The following F2R variants were observed in gnomAD, a reference collection of about 807,000 sequenced individuals.
F2R encodes proteinase-activated receptor 1.
In F2R, 12 loss-of-function variants were observed where a neutral mutation model predicts 18.3. The ratio of observed to expected loss-of-function variants is 0.66; its 90% confidence interval spans 0.42 to 1.06. The LOEUF (loss-of-function observed/expected upper bound fraction) is 1.06, where lower values mean the gene tolerates loss of function less well. Ranked by LOEUF, F2R falls within the 50% of genes least tolerant of loss-of-function variation. The pLI, the probability that F2R is intolerant of heterozygous loss-of-function variation, is 0.00. For missense variants in F2R, 438 were observed against 530.8 expected (o/e 0.83, Z 1.72); for synonymous variants, 210 against 219.9 (o/e 0.95, Z 0.40).
At chr5:76,724,216 C>T (rs1748517035) in intron 1 of F2R, among the ~76,000 whole-genome samples, 1 of 152,108 alleles carries the variant, frequency 6.6e-6, no homozygotes, top group African/African-American at 2.4e-5. Context: ...TACAGGCACA[C>T]ACCACCACGA....
chr5:76,719,554 A>G (rs1043086847), intron 1 of F2R, among the ~76,000 whole-genome samples: 1 of 151,498 alleles, frequency 6.6e-6, no homozygotes, highest in African/African-American at 2.4e-5. Flanking sequence ...GTGCCACTGC[A>G]CTCCAGTCTG....
At chr5:76,728,092 T>TGTATACACTATATATATGTTA (rs1748603936) in intron 1 of F2R, among the ~76,000 whole-genome samples, 13 of 152,154 alleles carry the variant, frequency 8.5e-5, no homozygotes, top group African/African-American at 3.1e-4. Flanking sequence ...TTATATATAT[T>TGTATACACTATATATATGTTA]TATAGTGTAT....
At chr5:76,731,865 A>G (rs1748675365) in intron 1 of F2R, among the ~76,000 whole-genome samples, 1 of 152,148 alleles carries the variant, frequency 6.6e-6, no homozygotes, top group African/African-American at 2.4e-5. Flanking sequence ...TTTTCCATTG[A>G]AAAGGGACAG....
intron 1 of F2R, among the ~76,000 whole-genome samples, chr5:76,716,947 G>A (rs767816033): frequency 1.3e-5 from 2 of 152,204 alleles, no homozygotes; most frequent in Non-Finnish European, 2.9e-5. Flanking sequence ...TTGTGTCCAG[G>A]AGGTGCGCAG....
At position 76,732,963 on chromosome 5, in the gene F2R, G is replaced by A. The variant is rs139693607; in HGVS notation, c.738G>A (p.Val246=). ...TCCTCAAGGAGCAAACCATCCAGGTGCCCGGGCTCAACATCACTACCTGTC... is the reference window on the plus strand; with the variant it reads ...TCCTCAAGGAGCAAACCATCCAGGTACCCGGGCTCAACATCACTACCTGTC... ...PLLLKEQTIQ[V]PGLNITTCHD... The change falls in exon 2 of 2, where the codon GTG becomes GTA. Residue 246 remains valine, a synonymous_variant. Coordinates refer to ENST00000319211, the MANE Select transcript of F2R (RefSeq NM_001992.5). The A allele has an allele frequency of 5.3e-4, 855 of 1,614,156 alleles. 3 individuals carry two copies. In the African/African-American group the frequency reaches 0.01, roughly 20 times the overall value.
At chr5:76,716,683 G>A (rs1187054484) in intron 1 of F2R, 3 of 743,596 alleles carry the variant, frequency 4.0e-6, no homozygotes, top group East Asian at 2.5e-5. Context: ...GGGGGAGCCT[G>A]CAGTCCTGCG....
At chr5:76,722,098 G>T (rs2227768) in intron 1 of F2R, among the ~76,000 whole-genome samples, 6,025 of 152,202 alleles carry the variant, frequency 0.04, 334 homozygotes, top group African/African-American at 0.13. Flanking sequence ...TAATTTATTT[G>T]AGTTCAGATA....
At chr5:76,723,747 A>G (rs1748509235) in intron 1 of F2R, among the ~76,000 whole-genome samples, 1 of 152,256 alleles carries the variant, frequency 6.6e-6, no homozygotes, top group African/African-American at 2.4e-5. Flanking sequence ...TCTAGTGGCA[A>G]ATAAACATGC....
chr5:76,723,053 A>G (rs1219744388), intron 1 of F2R, among the ~76,000 whole-genome samples: 1 of 151,978 alleles, frequency 6.6e-6, no homozygotes, highest in African/African-American at 2.4e-5. Context: ...ACAGTGTTTT[A>G]AAGATGTATT....
rs538007698 is a variant in F2R, at chr5:76,732,824, G to C, written c.599G>C (p.Arg200Pro). 6.2e-7 allele frequency: 1 copy of C among 1,614,164 alleles called. No individual in the cohort carries two copies. The highest frequency in any genetic ancestry group is 1.3e-5 in the African/African-American group (1 of 75,022). Reference protein sequence around the residue: ...ILLMTVISIDRFLAVVYPMQS... With the variant: ...ILLMTVISIDPFLAVVYPMQS... ...CTCATGACAGTCATAAGCATTGACC[G>C]GTTTCTGGCTGTGGTGTATCCCATG... The change falls in exon 2 of 2, where the codon CGG becomes CCG. Residue 200 changes from arginine (R) to proline (P), a missense_variant. Coordinates refer to ENST00000319211, the MANE Select transcript of F2R (RefSeq NM_001992.5).
intron 1 of F2R, among the ~76,000 whole-genome samples, chr5:76,727,483 A>G (rs1238339127): frequency 6.6e-6 from 1 of 152,196 alleles, no homozygotes; most frequent in Non-Finnish European, 1.5e-5. Flanking sequence ...ATTCACATTC[A>G]TCACTGGAGA....
rs1561631381 is a variant in F2R, at chr5:76,732,385, C to T, written c.160C>T (p.Pro54Ser). The change falls in exon 2 of 2, where the codon CCA (proline) becomes TCA (serine). Residue 54 changes from proline to serine, a missense_variant. Transcript: ENST00000319211. Reference sequence around the variant, plus strand: ...CAGGAACCCCAATGATAAATATGAACCATTTTGGGAGGATGAGGAGAAAAA... The same window carrying T: ...CAGGAACCCCAATGATAAATATGAATCATTTTGGGAGGATGAGGAGAAAAA... ...LLRNPNDKYE[P>S]FWEDEEKNES... 1 of 1,614,040 alleles carries T rather than the reference C, an allele frequency of 6.2e-7. No homozygotes were observed.
Position 76,723,264 on chromosome 5 carries a change from T to G in F2R, c.88+6869T>G, listed in dbSNP as rs140006874. Among the ~76,000 whole-genome samples the G allele has an allele frequency of 3.9e-3, 596 of 152,306 alleles. 2 individuals are homozygous for G. The highest frequency in any genetic ancestry group is 0.013 in the African/African-American group (542 of 41,564). On this transcript the variant is annotated intron_variant, in intron 1 of 1. Coordinates refer to ENST00000319211, the MANE Select transcript of F2R (RefSeq NM_001992.5). ...TAAAAGGATGGGCAGATTCATTTGT[T>G]TGGTGACATGCAAAGAGAAAAAGAT...
At chr5:76,720,607 T>C (rs367622350) in intron 1 of F2R, among the ~76,000 whole-genome samples, 11 of 152,204 alleles carry the variant, frequency 7.2e-5, no homozygotes, top group Middle Eastern at 3.4e-3. Context: ...TGTAAACCCC[T>C]ACCTACTTCC....
intron 1 of F2R, among the ~76,000 whole-genome samples, chr5:76,726,684 G>A (rs929562958): frequency 6.6e-6 from 1 of 152,022 alleles, no homozygotes; most frequent in South Asian, 2.1e-4. Context: ...TTGGGTGACA[G>A]AGCAAGACTC....
intron 1 of F2R, among the ~76,000 whole-genome samples, chr5:76,719,954 G>T (rs913125911): frequency 6.6e-6 from 1 of 152,162 alleles, no homozygotes; most frequent in African/African-American, 2.4e-5. Flanking sequence ...TGTTACAAGA[G>T]ATATTGCTAG....
intron 1 of F2R, among the ~76,000 whole-genome samples, chr5:76,720,252 A>G (rs540458335): frequency 3.3e-5 from 5 of 152,058 alleles, no homozygotes; most frequent in Non-Finnish European, 7.3e-5. Context: ...CCTAGGCAAC[A>G]TAGTAAGACC....
intron 1 of F2R, among the ~76,000 whole-genome samples, chr5:76,721,718 G>T (rs995981713): frequency 1.3e-5 from 2 of 152,212 alleles, no homozygotes; most frequent in African/African-American, 4.8e-5. Flanking sequence ...ATATGGTAGG[G>T]ATGTGTGTTT....
intron 1 of F2R, among the ~76,000 whole-genome samples, chr5:76,717,100 G>A (rs1748361867): frequency 6.6e-6 from 1 of 152,190 alleles, no homozygotes; most frequent in Non-Finnish European, 1.5e-5. Flanking sequence ...GGGCTCCCTC[G>A]AACACTGTGG....
Sources: gnomAD v4.1 joint callset for allele counts (sites outside exome capture counted in the v4.1 genomes callset) on GRCh38, gnomAD v4.1.1 for gene constraint, MANE v1.5 for transcripts, NCBI Gene and HGNC (gene_info 2026-07-23, HGNC 2026-07-21) for gene names.